The following PHF20 variants were observed in gnomAD, a reference collection of about 807,000 sequenced individuals.
PHF20 encodes the protein PHD finger protein 20.
In PHF20, 23 loss-of-function variants were observed where a neutral mutation model predicts 113.5. That is an observed-to-expected ratio of 0.20 (90% confidence interval 0.15 to 0.29). The LOEUF is 0.29. Ranked by LOEUF, PHF20 falls within the 10% of genes least tolerant of loss-of-function variation. The probability of loss-of-function intolerance (pLI) is 1.00; values close to 1 mark genes in which losing one functional copy is unlikely to be tolerated. For missense variants in PHF20, 943 were observed against 1,219.6 expected (o/e 0.77, Z 3.38); for synonymous variants, 434 against 457.3 (o/e 0.95, Z 0.65).
intron 2 of PHF20, among the ~76,000 whole-genome samples, chr20:35,815,178 C>T (rs965242551): frequency 7.9e-5 from 12 of 152,130 alleles, no homozygotes; most frequent in Non-Finnish European, 1.6e-4. Flanking sequence ...TCCTGGGTGA[C>T]AGAGGGAGAC....
intron 2 of PHF20, among the ~76,000 whole-genome samples, chr20:35,819,300 G>C (rs753195677): frequency 6.6e-6 from 1 of 151,922 alleles, no homozygotes; most frequent in African/African-American, 2.4e-5. Flanking sequence ...TTTCCTAGTA[G>C]TGATACTTGG....
chr20:35,800,419 C>CTTT (rs1555917383), intron 1 of PHF20, among the ~76,000 whole-genome samples: 3 of 152,064 alleles, frequency 2.0e-5, no homozygotes, highest in Admixed American at 2.0e-4. Context: ...GAGCGAGACT[C>CTTT]CTCAAAAAAC....
At chr20:35,792,431 C>T (rs762346143) in intron 1 of PHF20, among the ~76,000 whole-genome samples, 2 of 152,088 alleles carry the variant, frequency 1.3e-5, no homozygotes, top group East Asian at 1.9e-4. Context: ...TCTGGTGATC[C>T]GCCCTCCTCG....
At chr20:35,817,485 C>A (rs2042096871) in intron 2 of PHF20, among the ~76,000 whole-genome samples, 1 of 152,228 alleles carries the variant, frequency 6.6e-6, no homozygotes, top group East Asian at 1.9e-4. Context: ...CCACGCCAGA[C>A]CTATTTCTGC....
intron 9 of PHF20, among the ~76,000 whole-genome samples, chr20:35,877,094 G>A (rs1467766344): frequency 1.6e-5 from 2 of 122,184 alleles, no homozygotes; most frequent in Non-Finnish European, 3.3e-5. Flanking sequence ...GCGACAGAGT[G>A]AGACTCTGTC....
intron 2 of PHF20, among the ~76,000 whole-genome samples, chr20:35,806,208 T>G (rs1443808608): frequency 7.5e-6 from 1 of 132,948 alleles, no homozygotes; most frequent in Admixed American, 8.2e-5. Context: ...TTGCCTAGGC[T>G]GGGGTGTAGT....
intron 1 of PHF20, among the ~76,000 whole-genome samples, chr20:35,780,632 C>T (rs559809336): frequency 2.0e-5 from 3 of 150,706 alleles, no homozygotes; most frequent in South Asian, 2.1e-4. Context: ...CTGCAGCCTC[C>T]GCCTCCCGGG....
intron 2 of PHF20, among the ~76,000 whole-genome samples, chr20:35,838,902 G>A (rs2042490966): frequency 6.6e-6 from 1 of 151,652 alleles, no homozygotes; most frequent in Non-Finnish European, 1.5e-5. Context: ...GCTGACGTGG[G>A]AGGATCACTT....
chr20:35,862,557 A>G (rs2054236174), intron 5 of PHF20, among the ~76,000 whole-genome samples: 1 of 152,026 alleles, frequency 6.6e-6, no homozygotes, highest in South Asian at 2.1e-4. Context: ...GGGAGACCCT[A>G]TTGCTACAAA....
intron 2 of PHF20, among the ~76,000 whole-genome samples, chr20:35,808,383 C>A (rs2146878271): frequency 6.6e-6 from 1 of 151,948 alleles, no homozygotes; most frequent in East Asian, 1.9e-4. Context: ...TCCGAGAGTT[C>A]ACCATTAAGT....
At chr20:35,823,300 C>T (rs2146905555) in intron 2 of PHF20, among the ~76,000 whole-genome samples, 1 of 151,724 alleles carries the variant, frequency 6.6e-6, no homozygotes, top group South Asian at 2.1e-4. Flanking sequence ...CACGCAAGCC[C>T]CACCACAATC....
At chr20:35,878,594 T>C in intron 9 of PHF20, 1 of 763,944 alleles carries the variant, frequency 1.3e-6, no homozygotes, top group Non-Finnish European at 2.4e-6. Flanking sequence ...ATATGGATTA[T>C]ACAAATTGAA....
intron 9 of PHF20, among the ~76,000 whole-genome samples, chr20:35,878,191 G>T (rs2054565465): frequency 6.6e-6 from 1 of 152,180 alleles, no homozygotes; most frequent in South Asian, 2.1e-4. Flanking sequence ...AACTGATAGA[G>T]AATTCATTAT....
intron 2 of PHF20, among the ~76,000 whole-genome samples, chr20:35,825,151 T>C (rs1018782321): frequency 6.6e-6 from 1 of 152,216 alleles, no homozygotes; most frequent in African/African-American, 2.4e-5. Context: ...TCGTAGTAGC[T>C]GCACCATTTT....
intron 1 of PHF20, among the ~76,000 whole-genome samples, chr20:35,792,432 G>A (rs117689867): frequency 0.029 from 4,354 of 151,782 alleles, 100 homozygotes; most frequent in Non-Finnish European, 0.041. Context: ...CTGGTGATCC[G>A]CCCTCCTCGA....
At chr20:35,896,556 A>C (rs1388413059) in intron 9 of PHF20, among the ~76,000 whole-genome samples, 2 of 151,904 alleles carry the variant, frequency 1.3e-5, no homozygotes, top group African/African-American at 4.8e-5. Context: ...CACACCTGTA[A>C]TTCCAGCACT....
Position 35,866,021 on chromosome 20 carries a change from C to T in PHF20, c.808+2621C>T, listed in dbSNP as rs372748699. On this transcript the variant is annotated intron_variant, in intron 6 of 17. Coordinates refer to ENST00000374012, the MANE Select transcript of PHF20 (RefSeq NM_016436.5). ...GTCAGGAGTTCGAGACCAGCCTGGC[C>T]AACATGGTGAAACCCCCATCTCTAC... Among the ~76,000 whole-genome samples, 8 of 151,964 alleles carry T rather than the reference C, an allele frequency of 5.3e-5. No individual in the cohort carries two copies. In the East Asian group the frequency reaches 9.7e-4, roughly 18 times the overall value.
intron 3 of PHF20, chr20:35,845,398 C>A: frequency 2.5e-6 from 1 of 395,636 alleles, no homozygotes; most frequent in Admixed American, 2.6e-5. Context: ...CGTTTTCTTG[C>A]TCTGTCGCCC....
intron 9 of PHF20, among the ~76,000 whole-genome samples, chr20:35,890,188 C>G (rs1212720729): frequency 6.6e-6 from 1 of 151,854 alleles, no homozygotes; most frequent in Non-Finnish European, 1.5e-5. Flanking sequence ...CCACCACACC[C>G]ATCTACTTTT....
Sources: gnomAD v4.1 joint callset for allele counts (sites outside exome capture counted in the v4.1 genomes callset) on GRCh38, gnomAD v4.1.1 for gene constraint, MANE v1.5 for transcripts, NCBI Gene and HGNC (gene_info 2026-07-23, HGNC 2026-07-21) for gene names.